Variants in FMN2 observed in about 807,000 individuals in gnomAD.
The protein encoded by FMN2 is formin-2.
In FMN2, 51 loss-of-function variants were observed where a neutral mutation model predicts 142.3. The observed-to-expected ratio is 0.36, with a 90% confidence interval of 0.29 to 0.45. The LOEUF (loss-of-function observed/expected upper bound fraction) is 0.45, where lower values mean the gene tolerates loss of function less well. Ranked by LOEUF, FMN2 falls within the 20% of genes least tolerant of loss-of-function variation. The pLI, the probability that FMN2 is intolerant of heterozygous loss-of-function variation, is 1.00. For missense variants in FMN2, 1,936 were observed against 2,122.8 expected, an observed-to-expected ratio of 0.91 and a Z score of 1.73; for synonymous variants, 882 against 869.8, an observed-to-expected ratio of 1.01 and a Z score of -0.25.
chr1:240,388,331 A>G (rs1673480283), intron 14 of FMN2, among the ~76,000 whole-genome samples: 1 of 151,374 alleles, frequency 6.6e-6, no homozygotes, highest in South Asian at 2.1e-4. Flanking sequence ...CAAAGAAGCG[A>G]TTATTCAAAG....
chr1:240,340,241 C>T (rs939186400), intron 13 of FMN2, among the ~76,000 whole-genome samples: 3 of 151,944 alleles, frequency 2.0e-5, no homozygotes, highest in Admixed American at 6.6e-5. Flanking sequence ...ATATTCCTCC[C>T]CCCTCCACAT....
At chr1:240,159,937 G>GTATATATATATA (rs35292759) in intron 2 of FMN2, among the ~76,000 whole-genome samples, 1 of 71,264 alleles carries the variant, frequency 1.4e-5, no homozygotes, top group Non-Finnish European at 3.2e-5. Context: ...ATATATTTGT[G>GTATATATATATA]TATATATATA....
At chr1:240,366,537 T>C (rs1222959181) in intron 14 of FMN2, among the ~76,000 whole-genome samples, 1 of 33,324 alleles carries the variant, frequency 3.0e-5, no homozygotes, top group Non-Finnish European at 5.9e-5. Flanking sequence ...TATTCTATCC[T>C]TTTTTTTTTT....
intron 6 of FMN2, among the ~76,000 whole-genome samples, chr1:240,221,000 G>A (rs1483845627): frequency 6.6e-6 from 1 of 152,146 alleles, no homozygotes; most frequent in Non-Finnish European, 1.5e-5. Flanking sequence ...AGTTTGCTGA[G>A]AATGATGGTT....
In FMN2 at chr1:240,206,784, C is replaced by T. The variant is rs199927059; in HGVS notation, c.1987-15C>T. The T allele has an allele frequency of 6.3e-7, 1 of 1,599,438 alleles. No homozygotes were observed. The highest frequency in any genetic ancestry group is 8.6e-7 in the Non-Finnish European group (1 of 1,169,344). On this transcript the variant is annotated splice_polypyrimidine_tract_variant and intron_variant, in intron 4 of 17. Coordinates refer to ENST00000319653, the MANE Select transcript of FMN2 (RefSeq NM_020066.5). ...TATTTCATAACTAACTGTGTCTGTC[C>T]TTGTCGCCCTTCAGGAAGTTGTTGA...
At chr1:240,191,681 G>T (rs999685299) in intron 4 of FMN2, among the ~76,000 whole-genome samples, 14 of 152,116 alleles carry the variant, frequency 9.2e-5, no homozygotes, top group Admixed American at 2.0e-4. Flanking sequence ...AAGAACATTT[G>T]CTTCTAAGTT....
intron 7 of FMN2, among the ~76,000 whole-genome samples, chr1:240,284,347 G>A (rs1359476921): frequency 6.6e-6 from 1 of 152,082 alleles, no homozygotes; most frequent in Non-Finnish European, 1.5e-5. Context: ...AGCTGGGGGG[G>A]AGGATTGAGT....
intron 8 of FMN2, among the ~76,000 whole-genome samples, chr1:240,321,459 A>G (rs1162341721): frequency 6.6e-6 from 1 of 152,228 alleles, no homozygotes; most frequent in Admixed American, 6.5e-5. Flanking sequence ...CCAAAATGAC[A>G]TATCCCAGAA....
intron 4 of FMN2, 74 bp downstream of exon 4, chr1:240,188,336 T>G: frequency 6.8e-7 from 1 of 1,477,528 alleles, no homozygotes; most frequent in Non-Finnish European, 9.4e-7. Flanking sequence ...ACTCTGCGAT[T>G]TATCTTTCCA....
intron 2 of FMN2, chr1:240,143,697 C>T (rs1663294632): frequency 6.3e-7 from 1 of 1,598,576 alleles, no homozygotes; most frequent in Non-Finnish European, 8.6e-7. Flanking sequence ...GATTGAGACC[C>T]AGTCCAAGAG....
intron 6 of FMN2, among the ~76,000 whole-genome samples, chr1:240,214,438 C>G (rs1029772814): frequency 6.6e-6 from 1 of 151,464 alleles, no homozygotes; most frequent in Admixed American, 6.6e-5. Flanking sequence ...GTAGTCTCAG[C>G]TACTCGGGAG....
At chr1:240,360,557 A>G (rs965025354) in intron 14 of FMN2, among the ~76,000 whole-genome samples, 6 of 152,218 alleles carry the variant, frequency 3.9e-5, no homozygotes, top group African/African-American at 1.4e-4. Flanking sequence ...TCTATCTTAC[A>G]GAGTGTGAAA....
At chr1:240,377,966 G>A (rs918362878) in intron 14 of FMN2, among the ~76,000 whole-genome samples, 2 of 151,870 alleles carry the variant, frequency 1.3e-5, no homozygotes, top group African/African-American at 2.4e-5. Context: ...CTACCACAAA[G>A]TCTTGGGAAT....
chr1:240,454,893 C>G (rs1301875094), intron 16 of FMN2, among the ~76,000 whole-genome samples: 1 of 151,980 alleles, frequency 6.6e-6, no homozygotes, highest in Non-Finnish European at 1.5e-5. Flanking sequence ...CATGGGCCAA[C>G]AAATGAATGG....
intron 13 of FMN2, among the ~76,000 whole-genome samples, chr1:240,348,861 T>C (rs527740174): frequency 6.6e-6 from 1 of 152,312 alleles, no homozygotes; most frequent in East Asian, 1.9e-4. Flanking sequence ...GTTTGTTTTG[T>C]TTTGCTTGTT....
intron 6 of FMN2, among the ~76,000 whole-genome samples, chr1:240,239,754 G>C (rs112755830): frequency 1.1e-3 from 170 of 152,298 alleles, no homozygotes; most frequent in African/African-American, 3.9e-3. Flanking sequence ...GAAGCAAAAC[G>C]CCTGAATACC....
chr1:240,102,839 A>G (rs932422948), intron 1 of FMN2, among the ~76,000 whole-genome samples: 5 of 151,612 alleles, frequency 3.3e-5, no homozygotes, highest in South Asian at 4.2e-4. Context: ...TGACAACGTG[A>G]TATCAGTAAA....
rs375723395 is a variant in FMN2 at position 240,324,930 on chromosome 1, G to A, written c.4216-4146G>A. 4.6e-5 allele frequency among the ~76,000 whole-genome samples: 7 copies of A among 152,214 alleles called. No individual in the cohort carries two copies. In the South Asian group the frequency reaches 6.2e-4, roughly 14 times the overall value. On this transcript the variant is annotated intron_variant, in intron 8 of 17. Transcript: ENST00000319653. ...AACTATGAGGGGAATTCTAAGATGCGTCAAAAGCTTTAGGGATTGGCTTAT... is the reference window on the plus strand; with the variant it reads ...AACTATGAGGGGAATTCTAAGATGCATCAAAAGCTTTAGGGATTGGCTTAT...
chr1:240,211,554 G>A (rs920291664), intron 6 of FMN2, among the ~76,000 whole-genome samples: 7 of 152,164 alleles, frequency 4.6e-5, no homozygotes, highest in Admixed American at 4.6e-4. Flanking sequence ...GTCCATCTGA[G>A]TGCTCCTATG....
Sources: gnomAD v4.1 joint callset for allele counts (sites outside exome capture counted in the v4.1 genomes callset) on GRCh38, gnomAD v4.1.1 for gene constraint, MANE v1.5 for transcripts, NCBI Gene and HGNC (gene_info 2026-07-23, HGNC 2026-07-21) for gene names.